The following EPN2 variants were observed in gnomAD, a reference collection of about 807,000 sequenced individuals.
EPN2 encodes epsin-2.
In EPN2, 34 loss-of-function variants were observed where a neutral mutation model predicts 61.7. That is an observed-to-expected ratio of 0.55 (90% confidence interval 0.42 to 0.73). The LOEUF (loss-of-function observed/expected upper bound fraction) is 0.73. EPN2 is among the 30% of genes least tolerant of loss of function. The probability of loss-of-function intolerance (pLI) is 0.00; values close to 1 mark genes in which losing one functional copy is unlikely to be tolerated. For synonymous variants in EPN2, 349 were observed against 353.6 expected (o/e 0.99, Z 0.15); for missense variants, 714 against 839.2 (o/e 0.85, Z 1.84).
intron 1 of EPN2, among the ~76,000 whole-genome samples, chr17:19,259,091 G>GA (rs889240190): frequency 2.6e-5 from 4 of 152,042 alleles, no homozygotes; most frequent in Middle Eastern, 3.2e-3. Context: ...TGCCTTCAAA[G>GA]AAAAAAATTC....
At chr17:19,333,523 C>T (rs747972900) in intron 10 of EPN2, among the ~76,000 whole-genome samples, 16 of 152,152 alleles carry the variant, frequency 1.1e-4, no homozygotes, top group East Asian at 1.9e-4. Flanking sequence ...CTAGCCTTCG[C>T]GGTGTCATAT....
chr17:19,319,497 A>AT (rs1388901887), intron 7 of EPN2, among the ~76,000 whole-genome samples: 2 of 150,778 alleles, frequency 1.3e-5, no homozygotes, highest in Non-Finnish European at 3.0e-5. Context: ...CGCCCAGCTA[A>AT]TTTTTTTGTA....
At chr17:19,237,983 T>A (rs535379371) in intron 1 of EPN2, among the ~76,000 whole-genome samples, 12 of 152,318 alleles carry the variant, frequency 7.9e-5, no homozygotes, top group African/African-American at 1.9e-4. Flanking sequence ...CCAGCCCCCG[T>A]GCAGAGCCCG....
chr17:19,302,383 A>T (rs369399740), intron 4 of EPN2, among the ~76,000 whole-genome samples: 2 of 152,202 alleles, frequency 1.3e-5, no homozygotes. Context: ...CCAAAGCTTC[A>T]TCTGTATTTA....
At chr17:19,329,523 TGA>T in intron 8 of EPN2, 36 bp from the exon 9 acceptor site, 5 of 1,340,952 alleles carry the variant, frequency 3.7e-6, no homozygotes, top group Non-Finnish European at 5.4e-6. Context: ...TGAAGTCCTG[TGA>T]GATGCCCCCA....
At chr17:19,254,543 AAAAAACAAAAAC>A (rs375673403) in intron 1 of EPN2, among the ~76,000 whole-genome samples, 13 of 152,204 alleles carry the variant, frequency 8.5e-5, no homozygotes, top group African/African-American at 2.7e-4. Flanking sequence ...TCTGTCTCAA[AAAAAACAAAAAC>A]AAAAACAAAA....
intron 7 of EPN2, among the ~76,000 whole-genome samples, chr17:19,317,513 C>G (rs974696573): frequency 6.6e-6 from 1 of 152,170 alleles, no homozygotes; most frequent in Non-Finnish European, 1.5e-5. Flanking sequence ...ACCACCCCCC[C>G]GCGTTGTGAC....
At chr17:19,237,650 A>G (rs1875128113) in intron 1 of EPN2, 119 bp downstream of exon 1, 1 of 151,712 alleles carries the variant, frequency 6.6e-6, no homozygotes, top group Non-Finnish European at 1.5e-5. Flanking sequence ...CAGCCCCGCC[A>G]GGGCATGCGC....
chr17:19,283,124 C>T lies in EPN2; in HGVS notation c.5C>T (p.Thr2Met), dbSNP rs764850066. The change falls in exon 3 of 11, where the codon ACG becomes ATG. Residue 2 changes from threonine (T) to methionine (M), a missense_variant. By Grantham distance (81) the Thr-to-Met change is moderately conservative. Around this residue, in one of 2 missense-constraint regions of EPN2, gnomAD observed 304 missense variants for 417.4 expected, o/e 0.73. Coordinates refer to ENST00000314728, the MANE Select transcript of EPN2 (RefSeq NM_014964.5). This position sits in a 1 kb window ranked among gnomAD's most constrained non-coding sequence, Gnocchi z 7.0. M[T>M]TSSIRRQMKN... Reference sequence around the variant, plus strand: ...CTTATAACAAAGAAAATAAAAATGACGACTTCGTCTATCAGACGGCAGATG... The same window carrying T: ...CTTATAACAAAGAAAATAAAAATGATGACTTCGTCTATCAGACGGCAGATG... 1.6e-5 allele frequency: 26 copies of T among 1,602,408 alleles called. No individual in the cohort carries two copies. In the East Asian group the frequency reaches 1.8e-4, roughly 11 times the overall value.
intron 7 of EPN2, among the ~76,000 whole-genome samples, chr17:19,315,253 C>T (rs773600320): frequency 2.6e-5 from 4 of 152,152 alleles, no homozygotes; most frequent in Non-Finnish European, 4.4e-5. Flanking sequence ...TGTTCTGGGC[C>T]GAGCCAAGGA....
chr17:19,332,121 G>A, intron 10 of EPN2, 53 bp downstream of exon 10: 3 of 1,403,036 alleles, frequency 2.1e-6, no homozygotes, highest in East Asian at 2.3e-5. Context: ...GGGAATGGGT[G>A]TGCAGCAGGC....
intron 7 of EPN2, among the ~76,000 whole-genome samples, chr17:19,320,367 C>T (rs772992893): frequency 7.9e-5 from 12 of 152,128 alleles, no homozygotes; most frequent in Non-Finnish European, 1.3e-4. Context: ...ACAAGGTGAC[C>T]GTGGGAGACC....
chr17:19,259,763 G>A (rs923333445), intron 1 of EPN2, among the ~76,000 whole-genome samples: 4 of 152,224 alleles, frequency 2.6e-5, no homozygotes, highest in African/African-American at 9.6e-5. Context: ...CAAGGTGGAT[G>A]GGACTTTGTT....
At chr17:19,295,262 C>G (rs1411965636) in intron 4 of EPN2, among the ~76,000 whole-genome samples, 2 of 152,126 alleles carry the variant, frequency 1.3e-5, no homozygotes, top group Non-Finnish European at 2.9e-5. Context: ...ATAAGCCTCT[C>G]TTCTCCTCTC....
intron 7 of EPN2, among the ~76,000 whole-genome samples, chr17:19,319,332 A>AT (rs1458102900): frequency 6.0e-5 from 9 of 150,420 alleles, no homozygotes; most frequent in South Asian, 2.1e-4. Flanking sequence ...TACTTTTTAA[A>AT]TTTTTTTTTT....
At chr17:19,240,638 G>A (rs557976912) in intron 1 of EPN2, among the ~76,000 whole-genome samples, 2 of 152,228 alleles carry the variant, frequency 1.3e-5, no homozygotes, top group South Asian at 2.1e-4. Flanking sequence ...TCATGTATTC[G>A]GTGTAAACAG....
chr17:19,313,116 C>A lies in EPN2; in HGVS notation c.984C>A (p.Leu328=). 6.2e-7 allele frequency: 1 copy of A among 1,613,756 alleles called. No homozygotes were observed. The highest frequency in any genetic ancestry group is 8.5e-7 in the Non-Finnish European group (1 of 1,179,836). Residue 328 remains leucine, a synonymous_variant, in exon 7 of 11, where the codon CTC becomes CTA. Coordinates refer to ENST00000314728, the MANE Select transcript of EPN2 (RefSeq NM_014964.5). ...KIPKKKEHGS[L]PQQTTLLDLM... The stretch of plus-strand genomic sequence containing the variant: ...CTTTGTCTTAAAAGCATGGCTCTCT[C>A]CCACAGCAGACTACGCTGTTGGATT...
At chr17:19,310,569 T>C (rs1906077475) in intron 5 of EPN2, among the ~76,000 whole-genome samples, 1 of 102,246 alleles carries the variant, frequency 9.8e-6, no homozygotes, top group Non-Finnish European at 1.9e-5. Context: ...TTCTCCTTCT[T>C]TCTTTTTTTT....
intron 1 of EPN2, among the ~76,000 whole-genome samples, chr17:19,248,240 C>G (rs2044974484): frequency 6.6e-6 from 1 of 152,188 alleles, no homozygotes; most frequent in African/African-American, 2.4e-5. Context: ...ATCACCCTGG[C>G]TGAAATACGC....
Sources: gnomAD v4.1 joint callset for allele counts (sites outside exome capture counted in the v4.1 genomes callset) on GRCh38, gnomAD v4.1.1 for gene constraint, gnomAD v4.1.1 regional missense constraint, Gnocchi (gnomAD v3.1) non-coding constraint, MANE v1.5 for transcripts, NCBI Gene and HGNC (gene_info 2026-07-23, HGNC 2026-07-21) for gene names.